Variants in ZNF423 observed in about 807,000 individuals in gnomAD.
ZNF423 encodes zinc finger protein 423, also known as Ebf-associated zinc finger protein.
In ZNF423, 12 loss-of-function variants were observed where a neutral mutation model predicts 95.8. The ratio of observed to expected loss-of-function variants is 0.13; its 90% CI spans 0.08 to 0.20. The LOEUF (loss-of-function observed/expected upper bound fraction) is 0.20. Among genes scored for constraint, ZNF423 ranks in the 10% least tolerant of loss-of-function variants. The pLI, the probability that ZNF423 is intolerant of heterozygous loss-of-function variation, is 1.00. For synonymous variants in ZNF423, 749 were observed against 711.9 expected, an observed-to-expected ratio of 1.05 and a Z score of -0.83; for missense variants, 1,316 against 1,737.1, an observed-to-expected ratio of 0.76 and a Z score of 4.31.
At chr16:49,741,197 CTT>C (rs34805157) in intron 2 of ZNF423, among the ~76,000 whole-genome samples, 43 of 148,360 alleles carry the variant, frequency 2.9e-4, no homozygotes, top group Admixed American at 5.3e-4. Context: ...ACACCTGCTG[CTT>C]TTTTTTTTTT....
intron 1 of ZNF423, among the ~76,000 whole-genome samples, chr16:49,815,614 C>T (rs1348600033): frequency 6.6e-6 from 1 of 151,974 alleles, no homozygotes; most frequent in Non-Finnish European, 1.5e-5. Flanking sequence ...CTCTTTCAAT[C>T]CTCGGAGTAC....
intron 2 of ZNF423, among the ~76,000 whole-genome samples, chr16:49,759,660 C>T (rs898961728): frequency 2.0e-5 from 3 of 152,212 alleles, no homozygotes; most frequent in Non-Finnish European, 2.9e-5. Flanking sequence ...ATCCAGACAC[C>T]CTCTGAAACT....
intron 5 of ZNF423, among the ~76,000 whole-genome samples, chr16:49,618,770 T>C (rs1476424133): frequency 6.6e-6 from 1 of 152,178 alleles, no homozygotes; most frequent in East Asian, 1.9e-4. Flanking sequence ...TCTGGCATGG[T>C]ATCATCTGCC....
intron 1 of ZNF423, among the ~76,000 whole-genome samples, chr16:49,804,725 T>G (rs62029411): frequency 2.0e-5 from 3 of 152,094 alleles, no homozygotes; most frequent in Non-Finnish European, 2.9e-5. Flanking sequence ...CAAATCCCAA[T>G]CCACCATATT....
chr16:49,497,048 C>T (rs1226726283), intron 7 of ZNF423, among the ~76,000 whole-genome samples: 1 of 152,162 alleles, frequency 6.6e-6, no homozygotes, highest in Non-Finnish European at 1.5e-5. Flanking sequence ...ATCCCCTCCC[C>T]ATAATCCCCC....
At chr16:49,645,130 A>T (rs1342996868) in intron 3 of ZNF423, among the ~76,000 whole-genome samples, 3 of 152,248 alleles carry the variant, frequency 2.0e-5, no homozygotes, top group Non-Finnish European at 4.4e-5. Context: ...GTTTCTTCAG[A>T]AAAATGAAAA....
chr16:49,520,561 C>T (rs1968355305), intron 7 of ZNF423, among the ~76,000 whole-genome samples: 1 of 152,216 alleles, frequency 6.6e-6, no homozygotes. Context: ...TTCTCAAGAC[C>T]TCTCAGCCCA....
At chr16:49,596,851 C>G (rs34644184) in intron 5 of ZNF423, among the ~76,000 whole-genome samples, 9 of 152,112 alleles carry the variant, frequency 5.9e-5, no homozygotes, top group African/African-American at 2.2e-4. Context: ...CTCTTCACCC[C>G]CTAGGGATTG....
At chr16:49,623,885 G>A (rs1408343123) in intron 5 of ZNF423, among the ~76,000 whole-genome samples, 1 of 152,192 alleles carries the variant, frequency 6.6e-6, no homozygotes, top group Non-Finnish European at 1.5e-5. Context: ...GCTAGGTAGG[G>A]ACCAGGGGAC....
At chr16:49,653,712 T>C (rs1973500103) in intron 3 of ZNF423, among the ~76,000 whole-genome samples, 1 of 152,190 alleles carries the variant, frequency 6.6e-6, no homozygotes, top group African/African-American at 2.4e-5. Context: ...TTTTGGAGGC[T>C]TGTACTGCCA....
chr16:49,672,488 T>C (rs575685933), intron 3 of ZNF423, among the ~76,000 whole-genome samples: 1 of 152,230 alleles, frequency 6.6e-6, no homozygotes, highest in East Asian at 1.9e-4. Flanking sequence ...CCCCAGGGTG[T>C]CCCATAGTTG....
At chr16:49,584,452 C>T (rs1359671710) in intron 5 of ZNF423, among the ~76,000 whole-genome samples, 1 of 152,156 alleles carries the variant, frequency 6.6e-6, no homozygotes, top group Non-Finnish European at 1.5e-5. Context: ...CAGCCCATAC[C>T]ACAGCCTCCC....
intron 3 of ZNF423, among the ~76,000 whole-genome samples, chr16:49,700,195 CAAAAAAAAAA>C (rs3084468): frequency 1.0e-5 from 1 of 96,586 alleles, no homozygotes; most frequent in African/African-American, 4.1e-5. Context: ...CCCAGGATTT[CAAAAAAAAAA>C]AAAAAAAAAA....
At chr16:49,695,774 G>A (rs1008481123) in intron 3 of ZNF423, among the ~76,000 whole-genome samples, 4 of 152,150 alleles carry the variant, frequency 2.6e-5, no homozygotes, top group South Asian at 2.1e-4. Context: ...AAGAGTACTC[G>A]CTCTGGAGCC....
intron 5 of ZNF423, among the ~76,000 whole-genome samples, chr16:49,538,531 A>G (rs1202197074): frequency 6.6e-6 from 1 of 152,158 alleles, no homozygotes; most frequent in African/African-American, 2.4e-5. Context: ...CTCCACAGCC[A>G]TCATTTCCCT....
At chr16:49,572,677 A>G (rs966999887) in intron 5 of ZNF423, among the ~76,000 whole-genome samples, 1 of 152,082 alleles carries the variant, frequency 6.6e-6, no homozygotes, top group Non-Finnish European at 1.5e-5. Context: ...GCTTGTGGGG[A>G]GACCAGCTGA....
chr16:49,566,769 C>T (rs71382759), intron 5 of ZNF423, among the ~76,000 whole-genome samples: 12,111 of 152,060 alleles, frequency 0.08, 643 homozygotes, highest in East Asian at 0.15. Flanking sequence ...TGGCGGGCAG[C>T]GCGGGGAGGT....
At chr16:49,623,356 A>G (rs565753170) in intron 5 of ZNF423, among the ~76,000 whole-genome samples, 2 of 152,266 alleles carry the variant, frequency 1.3e-5, no homozygotes, top group East Asian at 3.9e-4. Flanking sequence ...TGTGTTTCCC[A>G]CAACTCTAGT....
upstream of ZNF423, chr16:49,857,791 T>C (rs1254474062): frequency 2.6e-5 from 4 of 152,250 alleles, no homozygotes; most frequent in African/African-American, 9.7e-5. This position sits in a 1 kb window ranked among gnomAD's most constrained non-coding sequence, Gnocchi z 6.2. Flanking sequence ...TCAGAAGAAA[T>C]AAACCAGCTG....
Sources: gnomAD v4.1 joint callset for allele counts (sites outside exome capture counted in the v4.1 genomes callset) on GRCh38, gnomAD v4.1.1 for gene constraint, Gnocchi (gnomAD v3.1) non-coding constraint, MANE v1.5 for transcripts, NCBI Gene and HGNC (gene_info 2026-07-23, HGNC 2026-07-21) for gene names.